Variants in TLN2 observed in about 807,000 individuals in gnomAD.
The protein encoded by TLN2 is talin-2.
In TLN2, 118 loss-of-function variants were observed where a neutral mutation model predicts 294.7. That is an observed-to-expected ratio of 0.40 (90% CI 0.34 to 0.47). The LOEUF (loss-of-function observed/expected upper bound fraction) is 0.47. TLN2 is among the 20% of genes least tolerant of loss of function. The pLI, the probability that TLN2 is intolerant of heterozygous loss-of-function variation, is 0.84. For missense variants in TLN2, 3,083 were observed against 3,282.2 expected (o/e 0.94, Z 1.48); for synonymous variants, 1,431 against 1,304.5 (o/e 1.10, Z -2.09).
intron 3 of TLN2, among the ~76,000 whole-genome samples, chr15:62,642,370 C>T (rs2051218685): frequency 6.6e-6 from 1 of 152,196 alleles, no homozygotes; most frequent in Non-Finnish European, 1.5e-5. Context: ...TGAAGTTTCA[C>T]GCAGTCAAAC....
At chr15:62,696,399 A>G (rs938483708) in intron 14 of TLN2, among the ~76,000 whole-genome samples, 1 of 152,244 alleles carries the variant, frequency 6.6e-6, no homozygotes, top group African/African-American at 2.4e-5. Flanking sequence ...TTCTAAGACA[A>G]TATGAAGTAA....
chr15:62,580,492 C>T (rs2044861094), intron 1 of TLN2, among the ~76,000 whole-genome samples: 2 of 149,278 alleles, frequency 1.3e-5, no homozygotes, highest in African/African-American at 4.9e-5. Flanking sequence ...CACAGTGCAG[C>T]CTTGACCTCC....
At chr15:62,829,024 A>G (rs1271097817) in intron 54 of TLN2, 1 of 152,094 alleles carries the variant, frequency 6.6e-6, no homozygotes, top group Non-Finnish European at 1.5e-5. Flanking sequence ...ACCTACCAAA[A>G]CAGCATCTGC....
chr15:62,765,643 C>G (rs1039916712), intron 40 of TLN2, among the ~76,000 whole-genome samples: 2 of 152,194 alleles, frequency 1.3e-5, no homozygotes, highest in African/African-American at 4.8e-5. Flanking sequence ...CTTTGAATCC[C>G]CCATCCCCCA....
In TLN2 at chr15:62,722,399, T is replaced by C. The variant is rs756791782; in HGVS notation, c.3038T>C (p.Val1013Ala). ...TCTGCCAAAGCCGCAGTGCCCACCG[T>C]GAGTGACCAGGCCGCAGCCATGCAG... ...VSSAKAAVPTVSDQAAAMQLS... is the reference protein window; with the variant it reads ...VSSAKAAVPTASDQAAAMQLS... The change falls in exon 26 of 59, where the codon GTG becomes GCG. Residue 1013 changes from valine (V) to alanine (A), a missense_variant. Coordinates refer to ENST00000636159, the MANE Select transcript of TLN2 (RefSeq NM_015059.3). The C allele has an allele frequency of 6.2e-7, 1 of 1,613,428 alleles. No homozygotes were observed. Among genetic ancestry groups the C allele is most frequent in the Non-Finnish European group, 8.5e-7 (1 of 1,179,590 alleles).
intron 22 of TLN2, among the ~76,000 whole-genome samples, chr15:62,714,169 T>G (rs2059614528): frequency 6.6e-6 from 1 of 150,876 alleles, no homozygotes; most frequent in East Asian, 1.9e-4. Flanking sequence ...TAAGCAGTAT[T>G]GAGCCAGGCC....
At chr15:62,435,340 A>C (rs2035234906) in intron 1 of TLN2, among the ~76,000 whole-genome samples, 1 of 152,196 alleles carries the variant, frequency 6.6e-6, no homozygotes, top group African/African-American at 2.4e-5. Context: ...CAGAATTGCC[A>C]CACTATCTTC....
chr15:62,670,772 G>A (rs1341890098), intron 9 of TLN2, among the ~76,000 whole-genome samples: 1 of 152,294 alleles, frequency 6.6e-6, no homozygotes, highest in African/African-American at 2.4e-5. Context: ...GAACGTTTGT[G>A]TACAAGTTTT....
chr15:62,589,804 C>G (rs1056584907), intron 2 of TLN2, 42 bp downstream of exon 2: 2 of 152,134 alleles, frequency 1.3e-5, no homozygotes, highest in Admixed American at 6.6e-5. Context: ...ATCAATTGGC[C>G]AATCCCCTGC....
chr15:62,597,034 T>A (rs893109407), intron 2 of TLN2, among the ~76,000 whole-genome samples: 2 of 152,136 alleles, frequency 1.3e-5, no homozygotes, highest in African/African-American at 4.8e-5. Context: ...ACGCTGTTAG[T>A]TCTCTCTAAC....
chr15:62,582,217 C>CACACACACACACAT (rs1317622974), intron 1 of TLN2, among the ~76,000 whole-genome samples: 15 of 135,924 alleles, frequency 1.1e-4, no homozygotes, highest in South Asian at 2.8e-4. Flanking sequence ...CACACACACA[C>CACACACACACACAT]ACACACACAC....
chr15:62,515,765 A>T (rs1374301679), intron 1 of TLN2, among the ~76,000 whole-genome samples: 4 of 152,040 alleles, frequency 2.6e-5, no homozygotes, highest in Non-Finnish European at 5.9e-5. Context: ...TTTTTATATC[A>T]GACTCCAGTG....
At chr15:62,828,023 T>C (rs1033170123) in intron 54 of TLN2, 2 of 152,280 alleles carry the variant, frequency 1.3e-5, no homozygotes, top group African/African-American at 4.8e-5. Flanking sequence ...CACCATTTCC[T>C]CTTCCAGGGG....
At chr15:62,537,548 C>T (rs1449051171) in intron 1 of TLN2, among the ~76,000 whole-genome samples, 1 of 152,100 alleles carries the variant, frequency 6.6e-6, no homozygotes, top group Non-Finnish European at 1.5e-5. Context: ...ATTTATATAA[C>T]AAATCTATTT....
chr15:62,732,862 A>G (rs1464560530), intron 28 of TLN2, among the ~76,000 whole-genome samples: 1 of 152,136 alleles, frequency 6.6e-6, no homozygotes, highest in East Asian at 1.9e-4. Flanking sequence ...CATTGGTAGG[A>G]GCAGGGGAGG....
chr15:62,608,128 T>A (rs546255219), intron 2 of TLN2, among the ~76,000 whole-genome samples: 39 of 152,186 alleles, frequency 2.6e-4, no homozygotes, highest in Non-Finnish European at 4.9e-4. Context: ...TAATTGACTC[T>A]AATTGACATT....
intron 3 of TLN2, among the ~76,000 whole-genome samples, chr15:62,639,976 A>G (rs1273199701): frequency 6.6e-6 from 1 of 152,182 alleles, no homozygotes; most frequent in Non-Finnish European, 1.5e-5. Flanking sequence ...ACCTTCCTAG[A>G]TGGGGACAGA....
chr15:62,524,364 T>G (rs2040621605), intron 1 of TLN2, among the ~76,000 whole-genome samples: 1 of 152,196 alleles, frequency 6.6e-6, no homozygotes, highest in Non-Finnish European at 1.5e-5. Context: ...AATTCTCATT[T>G]TAGAGGGTCT....
chr15:62,567,139 C>G (rs1314443859), intron 1 of TLN2, among the ~76,000 whole-genome samples: 1 of 152,210 alleles, frequency 6.6e-6, no homozygotes, highest in Non-Finnish European at 1.5e-5. Flanking sequence ...CAGTATTTTA[C>G]TGGCTAAGTA....
Sources: gnomAD v4.1 joint callset for allele counts (sites outside exome capture counted in the v4.1 genomes callset) on GRCh38, gnomAD v4.1.1 for gene constraint, MANE v1.5 for transcripts, NCBI Gene and HGNC (gene_info 2026-07-23, HGNC 2026-07-21) for gene names.